Variants in ATXN1 observed in about 807,000 individuals in gnomAD.
ATXN1 encodes the protein ataxin-1.
ATXN1 carries 8 observed loss-of-function variants against 56.4 expected under a neutral mutation model. That is an observed-to-expected ratio of 0.14 (90% CI 0.08 to 0.26). ATXN1 has a LOEUF of 0.26. Ranked by LOEUF, ATXN1 falls within the 10% of genes least tolerant of loss-of-function variation. The pLI, the probability that ATXN1 is intolerant of heterozygous loss-of-function variation, is 1.00. For synonymous variants in ATXN1, 514 were observed against 494.6 expected, an observed-to-expected ratio of 1.04 and a Z score of -0.52; for missense variants, 987 against 1,106.5, an observed-to-expected ratio of 0.89 and a Z score of 1.53.
chr6:16,488,160 C>G (rs949742068), intron 5 of ATXN1, among the ~76,000 whole-genome samples: 4 of 152,160 alleles, frequency 2.6e-5, no homozygotes, highest in African/African-American at 9.7e-5. Context: ...CTTGATGTGA[C>G]AGCAAATAAT....
chr6:16,737,098 T>G (rs1364845836), intron 2 of ATXN1: 1 of 152,184 alleles, frequency 6.6e-6, no homozygotes, highest in African/African-American at 2.4e-5. Context: ...AGACACACTC[T>G]CACACAAAAG....
chr6:16,350,315 T>C (rs1761538911), intron 6 of ATXN1, among the ~76,000 whole-genome samples: 1 of 152,230 alleles, frequency 6.6e-6, no homozygotes, highest in South Asian at 2.1e-4. Flanking sequence ...TAAAAGCAAC[T>C]ATAATGCCTA....
At chr6:16,354,232 C>G (rs1403529145) in intron 6 of ATXN1, among the ~76,000 whole-genome samples, 1 of 152,054 alleles carries the variant, frequency 6.6e-6, no homozygotes, top group Non-Finnish European at 1.5e-5. Context: ...CACAATAAAG[C>G]CAGACCCCCT....
intron 4 of ATXN1, among the ~76,000 whole-genome samples, chr6:16,581,627 G>C (rs1032053448): frequency 6.6e-6 from 1 of 152,062 alleles, no homozygotes; most frequent in Non-Finnish European, 1.5e-5. Context: ...GACAAATGGA[G>C]GGGCTATTAT....
chr6:16,663,537 G>A (rs1279260788), intron 2 of ATXN1, among the ~76,000 whole-genome samples: 1 of 152,176 alleles, frequency 6.6e-6, no homozygotes, highest in Non-Finnish European at 1.5e-5. Context: ...TACAAATTTA[G>A]AATGGCACTG....
In ATXN1 at chr6:16,413,500, T is replaced by C. The variant is rs773892314; in HGVS notation, c.-161+72472A>G. Among the ~76,000 whole-genome samples the C allele has an allele frequency of 2.0e-5, 3 of 152,312 alleles. No homozygotes were observed. The East Asian group carries it at 5.8e-4, about 29-fold the overall frequency. On this transcript the variant is annotated intron_variant, in intron 6 of 7. Transcript: ENST00000436367. ...TCATGTCTGTAATACAGGAACCCAA[T>C]CATTTCTGAAAGTCTGTCTAACAGT...
chr6:16,449,100 A>T (rs1279259961), intron 6 of ATXN1, among the ~76,000 whole-genome samples: 3 of 151,964 alleles, frequency 2.0e-5, no homozygotes, highest in East Asian at 1.9e-4. Context: ...TCTCAGTGAC[A>T]TCCTGTTTCT....
chr6:16,705,068 G>A (rs1759377940), intron 2 of ATXN1, among the ~76,000 whole-genome samples: 1 of 152,158 alleles, frequency 6.6e-6, no homozygotes, highest in Non-Finnish European at 1.5e-5. Context: ...GAGCATCCTA[G>A]AGTCTCTGTG....
chr6:16,456,208 A>G (rs1394361675), intron 6 of ATXN1, among the ~76,000 whole-genome samples: 1 of 152,194 alleles, frequency 6.6e-6, no homozygotes, highest in Non-Finnish European at 1.5e-5. Flanking sequence ...TCTTGAAGTC[A>G]GCGAGACCAT....
chr6:16,757,026 A>G (rs1217659059), intron 1 of ATXN1, among the ~76,000 whole-genome samples: 1 of 152,240 alleles, frequency 6.6e-6, no homozygotes, highest in African/African-American at 2.4e-5. Flanking sequence ...AACAGGAGTC[A>G]TAGTAATGTT....
At chr6:16,658,700 T>A (rs756445792) in intron 2 of ATXN1, among the ~76,000 whole-genome samples, 10 of 152,210 alleles carry the variant, frequency 6.6e-5, no homozygotes, top group Admixed American at 2.6e-4. Flanking sequence ...TCCACCCCAC[T>A]GTTTGTTTTT....
intron 3 of ATXN1, among the ~76,000 whole-genome samples, chr6:16,641,373 C>T (rs909769601): frequency 4.6e-5 from 7 of 152,178 alleles, no homozygotes; most frequent in Non-Finnish European, 7.3e-5. Context: ...TCTCTTGTTA[C>T]GGGCAAATGC....
chr6:16,676,664 T>C (rs1396635959), intron 2 of ATXN1, among the ~76,000 whole-genome samples: 1 of 152,154 alleles, frequency 6.6e-6, no homozygotes, highest in Non-Finnish European at 1.5e-5. Context: ...CTTCTTCCTA[T>C]AAAAAGAATA....
In ATXN1 at chr6:16,344,273, G is replaced by A. The variant is rs971705140; in HGVS notation, c.-160-15803C>T. Among the ~76,000 whole-genome samples, 8 of 152,200 alleles carry A rather than the reference G, an allele frequency of 5.3e-5. No individual in the cohort carries two copies. In the South Asian group the frequency reaches 8.3e-4, roughly 16 times the overall value. ...AATTAGTCTAACACCAGCCACCCCC[G>A]CATGCCTTCACCATGGTGGGCATGA... On this transcript the variant is annotated intron_variant, in intron 6 of 7. Coordinates refer to ENST00000436367, the MANE Select transcript of ATXN1 (RefSeq NM_001128164.2).
intron 4 of ATXN1, among the ~76,000 whole-genome samples, chr6:16,549,911 A>AAG (rs1395089619): frequency 6.6e-6 from 1 of 150,468 alleles, no homozygotes; most frequent in African/African-American, 2.4e-5. Context: ...AAAAAAAAAA[A>AAG]AAAAAAGGAA....
intron 3 of ATXN1, among the ~76,000 whole-genome samples, chr6:16,636,299 G>A (rs1365947511): frequency 6.6e-6 from 1 of 152,156 alleles, no homozygotes; most frequent in Non-Finnish European, 1.5e-5. Context: ...CAGTGCAGCC[G>A]GAACTGAAAC....
chr6:16,364,461 G>A (rs553228517), intron 6 of ATXN1, among the ~76,000 whole-genome samples: 8 of 152,074 alleles, frequency 5.3e-5, no homozygotes, highest in Admixed American at 2.6e-4. Context: ...CCGCCACCAC[G>A]CCTGGCTAAT....
intron 6 of ATXN1, among the ~76,000 whole-genome samples, chr6:16,395,683 T>C (rs1211748817): frequency 1.3e-5 from 2 of 152,172 alleles, no homozygotes; most frequent in Non-Finnish European, 2.9e-5. Flanking sequence ...GATACTATAC[T>C]TTTTATTGTT....
intron 2 of ATXN1, among the ~76,000 whole-genome samples, chr6:16,713,899 T>A (rs147835571): frequency 6.6e-6 from 1 of 152,294 alleles, no homozygotes; most frequent in Non-Finnish European, 1.5e-5. Context: ...AACTCATGCC[T>A]ATAATCCCAG....
Sources: gnomAD v4.1 joint callset for allele counts (sites outside exome capture counted in the v4.1 genomes callset) on GRCh38, gnomAD v4.1.1 for gene constraint, MANE v1.5 for transcripts, NCBI Gene and HGNC (gene_info 2026-07-23, HGNC 2026-07-21) for gene names.